GMDS: variants seen among roughly 807,000 people sequenced by gnomAD.
The protein encoded by GMDS is GDP-mannose 4,6-dehydratase.
A neutral mutation model predicts 49.9 loss-of-function variants in GMDS; 20 were observed. The ratio of observed to expected loss-of-function variants is 0.40; its 90% confidence interval spans 0.28 to 0.58. The LOEUF is 0.58. Among genes scored for constraint, GMDS ranks in the 20% least tolerant of loss-of-function variants. GMDS has a pLI of 0.42. For missense variants in GMDS, 362 were observed against 481.4 expected (o/e 0.75, Z 2.32); for synonymous variants, 177 against 178.6 (o/e 0.99, Z 0.07).
chr6:2,069,380 C>G (rs1299013950), intron 4 of GMDS, among the ~76,000 whole-genome samples: 4 of 152,184 alleles, frequency 2.6e-5, no homozygotes, highest in Admixed American at 1.3e-4. Flanking sequence ...GTCTAAAACA[C>G]CAAAAGCAAT....
intron 9 of GMDS, among the ~76,000 whole-genome samples, chr6:1,632,446 AC>A (rs1463329942): frequency 6.6e-6 from 1 of 152,226 alleles, no homozygotes; most frequent in Admixed American, 6.5e-5. Flanking sequence ...GGGAAGGTTC[AC>A]CAAGGAACTT....
chr6:1,867,678 T>C (rs535181705), intron 7 of GMDS, among the ~76,000 whole-genome samples: 38 of 152,316 alleles, frequency 2.5e-4, no homozygotes, highest in African/African-American at 8.4e-4. Flanking sequence ...TAGGGAGATA[T>C]GAGAAAATTT....
chr6:2,154,863 C>CAAAAAAAAAAA (rs70992124), intron 1 of GMDS, among the ~76,000 whole-genome samples: 6 of 65,622 alleles, frequency 9.1e-5, no homozygotes, highest in East Asian at 5.6e-4. Context: ...TGAAGAGATG[C>CAAAAAAAAAAA]AAAAAAAAAA....
intron 7 of GMDS, among the ~76,000 whole-genome samples, chr6:1,796,248 A>C (rs1769730416): frequency 6.6e-6 from 1 of 152,166 alleles, no homozygotes; most frequent in Non-Finnish European, 1.5e-5. Flanking sequence ...TGTAGTCATT[A>C]AATCTTAGGC....
chr6:1,707,768 C>T (rs538577625), intron 9 of GMDS, among the ~76,000 whole-genome samples: 6 of 152,288 alleles, frequency 3.9e-5, no homozygotes, highest in East Asian at 1.9e-4. Flanking sequence ...CAGATTTGGA[C>T]GTTGGAAAGT....
In GMDS at chr6:2,147,885, G is replaced by A. The variant is rs116468831; in HGVS notation, c.103-23154C>T. Among the ~76,000 whole-genome samples the A allele has an allele frequency of 5.7e-3, 854 of 150,368 alleles. 2 individuals are homozygous for A. The highest frequency in any genetic ancestry group is 0.017 in the Middle Eastern group (5 of 294). The stretch of plus-strand genomic sequence containing the variant: ...CACAACGTAGAAACTAAAAGTAGTT[G>A]CATTTTATGCATAATGACACAGATG... On this transcript the variant is annotated intron_variant, in intron 1 of 10. Transcript: ENST00000380815.
intron 1 of GMDS, among the ~76,000 whole-genome samples, chr6:2,216,960 C>T (rs1158163294): frequency 6.6e-6 from 1 of 152,128 alleles, no homozygotes; most frequent in Non-Finnish European, 1.5e-5. Flanking sequence ...AGGACACTTC[C>T]CCGAGACTTG....
rs376285055 is a variant in GMDS at position 1,760,519 on chromosome 6, G to A, written c.772-17933C>T. On this transcript the variant is annotated intron_variant, in intron 7 of 10. Coordinates refer to ENST00000380815, the MANE Select transcript of GMDS (RefSeq NM_001500.4). ...CACCAGAGGAGGAGGAGTACTCAGGGTCCTCATGAGGGTGTCATCAACCCA... is the reference window on the plus strand; with the variant it reads ...CACCAGAGGAGGAGGAGTACTCAGGATCCTCATGAGGGTGTCATCAACCCA... Among the ~76,000 whole-genome samples, 3 of 152,140 alleles carry A rather than the reference G, an allele frequency of 2.0e-5. No homozygotes were observed. The East Asian group carries it at 5.8e-4, about 29-fold the overall frequency.
At chr6:1,742,375 A>AG in intron 8 of GMDS, 93 bp downstream of exon 8, 1 of 719,624 alleles carries the variant, frequency 1.4e-6, no homozygotes, top group East Asian at 2.5e-5. Flanking sequence ...AGGAGAGTGA[A>AG]GGGGGAAGAT....
chr6:1,936,632 T>C (rs1452568579), intron 6 of GMDS, among the ~76,000 whole-genome samples: 1 of 152,058 alleles, frequency 6.6e-6, no homozygotes, highest in Non-Finnish European at 1.5e-5. Flanking sequence ...CCACAACGTT[T>C]AGGTCAAGCA....
intron 9 of GMDS, among the ~76,000 whole-genome samples, chr6:1,688,355 A>G (rs1446087451): frequency 1.3e-5 from 2 of 152,254 alleles, no homozygotes; most frequent in African/African-American, 2.4e-5. Flanking sequence ...CGGCTCGTGG[A>G]AACCCCGCAC....
At chr6:2,039,595 GATT>G (rs1427620132) in intron 4 of GMDS, among the ~76,000 whole-genome samples, 1 of 151,272 alleles carries the variant, frequency 6.6e-6, no homozygotes, top group African/African-American at 2.4e-5. Flanking sequence ...GAACTTTTTA[GATT>G]TTTTGTTAGA....
chr6:1,940,511 C>T (rs1456882552), intron 6 of GMDS, among the ~76,000 whole-genome samples: 1 of 152,162 alleles, frequency 6.6e-6, no homozygotes, highest in Non-Finnish European at 1.5e-5. Context: ...AAAGAAGAGA[C>T]ACTGAGAAGG....
chr6:2,005,424 T>G (rs1396849733), intron 4 of GMDS, among the ~76,000 whole-genome samples: 1 of 152,112 alleles, frequency 6.6e-6, no homozygotes, highest in African/African-American at 2.4e-5. Flanking sequence ...AGAGACAAAT[T>G]TATGTGTCTT....
intron 8 of GMDS, among the ~76,000 whole-genome samples, chr6:1,740,958 T>A (rs1359864315): frequency 6.6e-6 from 1 of 152,232 alleles, no homozygotes; most frequent in Non-Finnish European, 1.5e-5. Context: ...TCAATATTTT[T>A]CATAAAATTG....
intron 7 of GMDS, among the ~76,000 whole-genome samples, chr6:1,890,989 A>C (rs903469986): frequency 2.6e-5 from 4 of 152,186 alleles, no homozygotes; most frequent in African/African-American, 9.7e-5. Flanking sequence ...TCTGGGTACC[A>C]TTGTTGAAAA....
intron 7 of GMDS, among the ~76,000 whole-genome samples, chr6:1,846,998 A>G (rs1393328212): frequency 6.6e-6 from 1 of 152,170 alleles, no homozygotes; most frequent in African/African-American, 2.4e-5. Context: ...TTGACCTTTC[A>G]GATGTATTGA....
intron 7 of GMDS, among the ~76,000 whole-genome samples, chr6:1,832,314 C>T (rs1184290688): frequency 9.9e-5 from 15 of 151,886 alleles, no homozygotes; most frequent in African/African-American, 3.1e-4. Context: ...TCCTCGAACC[C>T]ACCAGGAGTT....
intron 7 of GMDS, among the ~76,000 whole-genome samples, chr6:1,882,585 T>C (rs1296214056): frequency 2.6e-5 from 4 of 152,124 alleles, no homozygotes; most frequent in Admixed American, 6.5e-5. Flanking sequence ...GGACTTTGCA[T>C]AGGGAGTTAA....
Sources: gnomAD v4.1 joint callset for allele counts (sites outside exome capture counted in the v4.1 genomes callset) on GRCh38, gnomAD v4.1.1 for gene constraint, MANE v1.5 for transcripts, NCBI Gene and HGNC (gene_info 2026-07-23, HGNC 2026-07-21) for gene names.